The following MRPS34 variants were observed in gnomAD, a reference collection of about 807,000 sequenced individuals.
MRPS34 encodes small ribosomal subunit protein mS34.
In MRPS34, 12 loss-of-function variants were observed where a neutral mutation model predicts 13.3. The observed-to-expected ratio is 0.90, with a 90% CI of 0.58 to 1.46. The LOEUF (loss-of-function observed/expected upper bound fraction) is 1.46, where lower values mean the gene tolerates loss of function less well. MRPS34 is among the 40% of genes most tolerant of loss of function. MRPS34 has a pLI of 0.00. For synonymous variants in MRPS34, 181 were observed against 149.3 expected (o/e 1.21, Z -1.55); for missense variants, 419 against 335.3 (o/e 1.25, Z -1.95).
Position 1,772,173 on chromosome 16 carries a change from G to C in MRPS34, c.*48C>G. The C allele has an allele frequency of 6.4e-7, 1 of 1,552,882 alleles. No homozygotes were observed. The highest frequency in any genetic ancestry group is 1.1e-5 in the South Asian group (1 of 88,342). ...AAAGACGGTTTCTTTCATCAATAAG[G>C]TCCCCACTGCCTCACAGCCCCTAAG... On this transcript the variant is annotated 3_prime_UTR_variant, in exon 3 of 3. Transcript: ENST00000397375.
Position 1,772,518 on chromosome 16 carries a change from T to G in MRPS34, c.365-5A>C. 1 of 1,610,724 alleles carries G rather than the reference T, an allele frequency of 6.2e-7. No homozygotes were observed. Among genetic ancestry groups the G allele is most frequent in the Non-Finnish European group, 8.5e-7 (1 of 1,178,444 alleles). Reference sequence around the variant, plus strand: ...GCGCCTCGCTCTCAGTCTTCCCTGATGAAGAAAAAGAGGCGTCTGCACACA... The same window carrying G: ...GCGCCTCGCTCTCAGTCTTCCCTGAGGAAGAAAAAGAGGCGTCTGCACACA... On this transcript the variant is annotated splice_polypyrimidine_tract_variant and splice_region_variant and intron_variant, in intron 2 of 2. Coordinates refer to ENST00000397375, the MANE Select transcript of MRPS34 (RefSeq NM_023936.2).
Position 1,772,781 on chromosome 16 carries a change from C to A in MRPS34, c.321+18G>T, listed in dbSNP as rs1312258142. The A allele has an allele frequency of 4.1e-6, 6 of 1,465,026 alleles. No individual in the cohort carries two copies. Among genetic ancestry groups the A allele is most frequent in the Non-Finnish European group, 5.4e-6 (6 of 1,109,900 alleles). The allele number at this position is 1,465,026 out of a possible 1,614,324, so 90.8% of individuals were successfully genotyped here. A position where few individuals can be genotyped will look rare whatever the true frequency, so the allele number is the denominator to read the frequency against. On this transcript the variant is annotated intron_variant, in intron 1 of 2. Coordinates refer to ENST00000397375, the MANE Select transcript of MRPS34 (RefSeq NM_023936.2). ...ACCAGGCGGCTGCAGGGGCGGGGTGCGGACGGGGTGCACGCACCTGCGCCG... is the reference window on the plus strand; with the variant it reads ...ACCAGGCGGCTGCAGGGGCGGGGTGAGGACGGGGTGCACGCACCTGCGCCG...
intron 1 of MRPS34, 55 bp downstream of exon 1, chr16:1,772,744 G>A (rs2042640847): frequency 6.5e-7 from 1 of 1,538,708 alleles, no homozygotes; most frequent in Non-Finnish European, 8.7e-7. Flanking sequence ...AGGGAGGAGG[G>A]GAGGCGGGGA....
chr16:1,772,999 A>G lies in MRPS34; in HGVS notation c.121T>C (p.Leu41=), dbSNP rs538094386. 2.0e-4 allele frequency: 288 copies of G among 1,454,120 alleles called. No individual in the cohort carries two copies. The African/African-American group carries it at 3.8e-3, about 19-fold the overall frequency. The allele number at this position is 1,454,120 out of a possible 1,614,324, so 90.1% of individuals were successfully genotyped here. A position where few individuals can be genotyped will look rare whatever the true frequency, so the allele number is the denominator to read the frequency against. Residue 41 remains leucine (L), a synonymous_variant, in exon 1 of 3, where the codon TTG becomes CTG. Transcript: ENST00000397375. The part of the protein sequence containing the change: ...SQLYAVDYET[L]TRPFSGRRLP... ...CGGCGTCCAGAGAACGGCCGCGTCA[A>G]GGTCTCGTAGTCCACCGCGTAGAGC...
Position 1,772,970 on chromosome 16 carries a change from C to T in MRPS34, c.150G>A (p.Leu50=). 2 of 1,447,922 alleles carry T rather than the reference C, an allele frequency of 1.4e-6. No homozygotes were observed. The highest frequency in any genetic ancestry group is 9.1e-7 in the Non-Finnish European group (1 of 1,103,172). 89.7% of individuals were successfully genotyped at this position (1,447,922 alleles called of 1,614,324 possible). ...TLTRPFSGRR[L]PVRAWADVRR... is the part of the protein sequence containing the mutation. ...GCACGTCGGCCCAGGCCCGGACCGG[C>T]AGCCGGCGTCCAGAGAACGGCCGCG... Residue 50 remains leucine, a synonymous_variant, in exon 1 of 3, where the codon CTG becomes CTA. Coordinates refer to ENST00000397375, the MANE Select transcript of MRPS34 (RefSeq NM_023936.2).
chr16:1,772,386 C>T lies in MRPS34; in HGVS notation c.492G>A (p.Val164=), dbSNP rs942465730. The T allele has an allele frequency of 4.3e-6, 7 of 1,611,872 alleles. No homozygotes were observed. The Admixed American group carries it at 1.0e-4, about 23-fold the overall frequency. Residue 164 remains valine (V), a synonymous_variant, in exon 3 of 3, where the codon GTG becomes GTA. Transcript: ENST00000397375. ...TPAPEDSLAS[V]PYPPLLRAMI... ...TGGCCCGGAGGAGAGGCGGGTACGG[C>T]ACGGAGGCCAGGCTGTCTTCCGGCG...
In MRPS34 at chr16:1,771,914, C is replaced by G. The variant is rs2042621142; in HGVS notation, c.*307G>C. 1 of 490,294 alleles carries G rather than the reference C, an allele frequency of 2.0e-6. No homozygotes were observed. Among genetic ancestry groups the G allele is most frequent in the Non-Finnish European group, 3.6e-6 (1 of 275,754 alleles). The allele number at this position is 490,294 out of a possible 1,614,324, so 30.4% of individuals were successfully genotyped here. On this transcript the variant is annotated 3_prime_UTR_variant, in exon 3 of 3. Coordinates refer to ENST00000397375, the MANE Select transcript of MRPS34 (RefSeq NM_023936.2). ...CCTGGGTACTTCTTTTCTCTTTATTCCCTTTCATAGCTTCTGCCGGGATCC... is the reference window on the plus strand; with the variant it reads ...CCTGGGTACTTCTTTTCTCTTTATTGCCTTTCATAGCTTCTGCCGGGATCC...
chr16:1,772,469 G>C lies in MRPS34; in HGVS notation c.409C>G (p.His137Asp), dbSNP rs774071873. The change falls in exon 3 of 3, where the codon CAT becomes GAT. Residue 137 changes from histidine (H) to aspartate (D), a missense_variant. Transcript: ENST00000397375. Reference sequence around the variant, plus strand: ...TGCTTGGGCACCAGCCGCCAGTCATGGTACATGACGTGTTCGATCTCCCGC... The same window carrying C: ...TGCTTGGGCACCAGCCGCCAGTCATCGTACATGACGTGTTCGATCTCCCGC... The part of the protein sequence containing the change: ...EAREIEHVMY[H>D]DWRLVPKHEE... The C allele has an allele frequency of 6.2e-7, 1 of 1,611,870 alleles. No individual in the cohort carries two copies.
Position 1,773,025 on chromosome 16 carries a change from T to C in MRPS34, c.95A>G (p.Gln32Arg). The C allele has an allele frequency of 6.9e-7, 1 of 1,444,246 alleles. No individual in the cohort carries two copies. The highest frequency in any genetic ancestry group is 9.1e-7 in the Non-Finnish European group (1 of 1,099,728). The allele number at this position is 1,444,246 out of a possible 1,614,324, so 89.5% of individuals were successfully genotyped here. The change falls in exon 1 of 3, where the codon CAG becomes CGG. Residue 32 changes from glutamine (Q) to arginine (R), a missense_variant. By Grantham distance (43) the Gln-to-Arg change is conservative (BLOSUM62 1). Coordinates refer to ENST00000397375, the MANE Select transcript of MRPS34 (RefSeq NM_023936.2). ...REQLNRPRDS[Q>R]LYAVDYETLT... ...GGTCTCGTAGTCCACCGCGTAGAGCTGGGAGTCGCGCGGCCTGTTCAGTTG... is the reference window on the plus strand; with the variant it reads ...GGTCTCGTAGTCCACCGCGTAGAGCCGGGAGTCGCGCGGCCTGTTCAGTTG...
At chr16:1,772,670 G>A in intron 1 of MRPS34, 24 bp from the exon 2 acceptor site, 2 of 1,599,960 alleles carry the variant, frequency 1.3e-6, no homozygotes, top group Non-Finnish European at 1.7e-6. Flanking sequence ...AGGAAGCGGG[G>A]TCAGCTCGCA....
At position 1,772,076 on chromosome 16, in the gene MRPS34, A is replaced by G; in HGVS notation, c.*145T>C. The G allele has an allele frequency of 1.1e-6, 1 of 870,452 alleles. No homozygotes were observed. Among genetic ancestry groups the G allele is most frequent in the Non-Finnish European group, 1.8e-6 (1 of 560,938 alleles). The allele number at this position is 870,452 out of a possible 1,614,324, so 53.9% of individuals were successfully genotyped here. On this transcript the variant is annotated 3_prime_UTR_variant, in exon 3 of 3. Coordinates refer to ENST00000397375, the MANE Select transcript of MRPS34 (RefSeq NM_023936.2). ...GCGATTTGCCCCAGCCCTCCCCCCT[A>G]AGATGCAGACCCTCAGAACACGTCG...
In MRPS34 at chr16:1,772,592, C is replaced by T. The variant is rs749143670; in HGVS notation, c.364+12G>A. The T allele has an allele frequency of 1.2e-6, 2 of 1,612,238 alleles. No individual in the cohort carries two copies. Among genetic ancestry groups the T allele is most frequent in the African/African-American group, 2.7e-5 (2 of 75,086 alleles). ...CATCGAACTGCCGGGCACCCGCTCT[C>T]CCGAGCCTTACCTTTGAAGGTCAGG... On this transcript the variant is annotated intron_variant, in intron 2 of 2. Coordinates refer to ENST00000397375, the MANE Select transcript of MRPS34 (RefSeq NM_023936.2).
rs747547383 is a variant in MRPS34, at chr16:1,772,598, C to A, written c.364+6G>T. The A allele has an allele frequency of 1.9e-6, 3 of 1,612,116 alleles. No individual in the cohort carries two copies. The highest frequency in any genetic ancestry group is 3.3e-5 in the Admixed American group (2 of 60,022). ...ACTGCCGGGCACCCGCTCTCCCGAG[C>A]CTTACCTTTGAAGGTCAGGATGCCC... On this transcript the variant is annotated splice_donor_region_variant and intron_variant, in intron 2 of 2. Coordinates refer to ENST00000397375, the MANE Select transcript of MRPS34 (RefSeq NM_023936.2).
At position 1,772,464 on chromosome 16, in the gene MRPS34, G is replaced by A. The variant is rs768266094; in HGVS notation, c.414C>T (p.Asp138=). The change falls in exon 3 of 3, where the codon GAC becomes GAT. Residue 138 remains aspartate (D), a synonymous_variant. Transcript: ENST00000397375. ...AREIEHVMYH[D]WRLVPKHEEE... ...CCTCGTGCTTGGGCACCAGCCGCCA[G>A]TCATGGTACATGACGTGTTCGATCT... The A allele has an allele frequency of 8.1e-6, 13 of 1,612,318 alleles. No individual in the cohort carries two copies. The highest frequency in any genetic ancestry group is 1.7e-5 in the Admixed American group (1 of 60,026).
At position 1,772,866 on chromosome 16, in the gene MRPS34, C is replaced by T; in HGVS notation, c.254G>A (p.Trp85Ter). 6.9e-7 allele frequency: 1 copy of T among 1,453,366 alleles called. No individual in the cohort carries two copies. The highest frequency in any genetic ancestry group is 9.0e-7 in the Non-Finnish European group (1 of 1,109,674). The allele number at this position is 1,453,366 out of a possible 1,614,324, so 90.0% of individuals were successfully genotyped here. A position where few individuals can be genotyped will look rare whatever the true frequency, so the allele number is the denominator to read the frequency against. Residue 85 changes from tryptophan (W) to a stop codon, truncating the protein, a stop_gained, in exon 1 of 3, where the codon TGG (tryptophan) becomes TAG (stop). Coordinates refer to ENST00000397375, the MANE Select transcript of MRPS34 (RefSeq NM_023936.2). LOFTEE classifies it high-confidence loss of function. ...GLGRLVTRKS[W>*]LWQHDEPCYW... ...GCACGGCTCGTCGTGCTGCCACAGC[C>T]AGGACTTGCGCGTGACCAGGCGGCC...
Position 1,773,061 on chromosome 16 carries a change from G to C in MRPS34, c.59C>G (p.Ala20Gly). The C allele has an allele frequency of 7.0e-7, 1 of 1,419,706 alleles. No homozygotes were observed. The highest frequency in any genetic ancestry group is 9.2e-7 in the Non-Finnish European group (1 of 1,088,834). 87.9% of individuals were successfully genotyped at this position (1,419,706 alleles called of 1,614,324 possible). The stretch of plus-strand genomic sequence containing the variant: ...CGGCCTGTTCAGTTGCTCCCGCAGG[G>C]CGCGCACGCGGCGGGCCAGCTCCGC... ...LIAELARRVR[A>G]LREQLNRPRD... is the part of the protein sequence containing the mutation. Residue 20 changes from alanine to glycine, a missense_variant, in exon 1 of 3, where the codon GCC becomes GGC. By Grantham distance (60) the Ala-to-Gly change is moderately conservative. Coordinates refer to ENST00000397375, the MANE Select transcript of MRPS34 (RefSeq NM_023936.2).
At position 1,772,968 on chromosome 16, in the gene MRPS34, G is replaced by C. The variant is rs1471580766; in HGVS notation, c.152C>G (p.Pro51Arg). The C allele has an allele frequency of 1.4e-6, 2 of 1,447,092 alleles. No individual in the cohort carries two copies. The highest frequency in any genetic ancestry group is 2.8e-5 in the Admixed American group (1 of 35,432). 89.6% of individuals were successfully genotyped at this position (1,447,092 alleles called of 1,614,324 possible). A position where few individuals can be genotyped will look rare whatever the true frequency, so the allele number is the denominator to read the frequency against. ...LTRPFSGRRL[P>R]VRAWADVRRE... ...GCGCACGTCGGCCCAGGCCCGGACC[G>C]GCAGCCGGCGTCCAGAGAACGGCCG... Residue 51 changes from proline (P) to arginine (R), a missense_variant, in exon 1 of 3, where the codon CCG (proline) becomes CGG (arginine). Coordinates refer to ENST00000397375, the MANE Select transcript of MRPS34 (RefSeq NM_023936.2).
rs552597381 is a variant in MRPS34, at chr16:1,772,073, C to T, written c.*148G>A. On this transcript the variant is annotated 3_prime_UTR_variant, in exon 3 of 3. Coordinates refer to ENST00000397375, the MANE Select transcript of MRPS34 (RefSeq NM_023936.2). The stretch of plus-strand genomic sequence containing the variant: ...GTGGCGATTTGCCCCAGCCCTCCCC[C>T]CTAAGATGCAGACCCTCAGAACACG... 25 of 855,432 alleles carry T rather than the reference C, an allele frequency of 2.9e-5. No homozygotes were observed. The highest frequency in any genetic ancestry group is 3.4e-5 in the African/African-American group (2 of 59,038). 53.0% of individuals were successfully genotyped at this position (855,432 alleles called of 1,614,324 possible).
chr16:1,772,677 C>T, intron 1 of MRPS34, 31 bp from the exon 2 acceptor site: 1 of 1,597,408 alleles, frequency 6.3e-7, no homozygotes, highest in Non-Finnish European at 8.5e-7. Flanking sequence ...GGGGTCAGCT[C>T]GCAAAGCTCT....
Sources: gnomAD v4.1 joint callset for allele counts on GRCh38, gnomAD v4.1.1 for gene constraint, MANE v1.5 for transcripts, NCBI Gene and HGNC (gene_info 2026-07-23, HGNC 2026-07-21) for gene names.